The following TDRKH variants were observed in gnomAD, a reference collection of about 807,000 sequenced individuals.
The protein encoded by TDRKH is tudor and KH domain containing.
A neutral mutation model predicts 61.3 loss-of-function variants in TDRKH; 28 were observed. That is an observed-to-expected ratio of 0.46 (90% CI 0.34 to 0.63). The LOEUF is 0.63. Ranked by LOEUF, TDRKH falls within the 20% of genes least tolerant of loss-of-function variation. The pLI, the probability that TDRKH is intolerant of heterozygous loss-of-function variation, is 0.01. For missense variants in TDRKH, 540 were observed against 683.4 expected (o/e 0.79, Z 2.34); for synonymous variants, 219 against 244.4 (o/e 0.90, Z 0.97).
chr1:151,768,070 A>C (rs1253734550), downstream of TDRKH: 4 of 1,613,808 alleles, frequency 2.5e-6, no homozygotes, highest in Non-Finnish European at 3.4e-6. Flanking sequence ...TGGGAACTTG[A>C]CGGTGCTGGC....
rs547627787 is a variant in TDRKH, at chr1:151,776,594, T to C, written c.889A>G (p.Ser297Gly). ...TCAGCATGAAAACTGAAGTCAGGACTGGGGACTGAACACAGAGATAAGGAT... is the reference window on the plus strand; with the variant it reads ...TCAGCATGAAAACTGAAGTCAGGACCGGGGACTGAACACAGAGATAAGGAT... ...IPEMPMFEIPSPDFSFHADEY... is the reference protein window; with the variant it reads ...IPEMPMFEIPGPDFSFHADEY... The change falls in exon 7 of 13, where the codon AGT becomes GGT. Residue 297 changes from serine (S) to glycine (G), a missense_variant. By Grantham distance (56) the Ser-to-Gly change is moderately conservative. Transcript: ENST00000368824. 51 of 1,614,046 alleles carry C rather than the reference T, an allele frequency of 3.2e-5. 1 individual carries two copies. The South Asian group carries it at 5.5e-4, about 17-fold the overall frequency.
intron 11 of TDRKH, 103 bp downstream of exon 11, chr1:151,774,962 A>C: frequency 2.1e-6 from 3 of 1,408,182 alleles, no homozygotes; most frequent in Non-Finnish European, 3.0e-6. Context: ...GGAGGAGCTC[A>C]AAGTCCTTAG....
At chr1:151,772,457 A>G (rs945516072), downstream of TDRKH, among the ~76,000 whole-genome samples, 1 of 152,168 alleles carries the variant, frequency 6.6e-6, no homozygotes, top group Non-Finnish European at 1.5e-5. Flanking sequence ...TATAGTTGCC[A>G]TGTAGTATAG....
downstream of TDRKH, chr1:151,771,610 A>T: frequency 2.9e-6 from 1 of 340,510 alleles, no homozygotes; most frequent in Non-Finnish European, 5.2e-6. Context: ...GGTGCTATAG[A>T]TGTGGAGAAA....
intron 1 of TDRKH, among the ~76,000 whole-genome samples, chr1:151,789,692 T>C (rs1385386110): frequency 6.6e-6 from 1 of 152,236 alleles, no homozygotes; most frequent in African/African-American, 2.4e-5. Flanking sequence ...TCAAATCACA[T>C]TGTTAGCTCC....
At chr1:151,775,339 A>C in intron 10 of TDRKH, 53 bp downstream of exon 10, 2 of 1,573,340 alleles carry the variant, frequency 1.3e-6, no homozygotes, top group Non-Finnish European at 1.7e-6. Context: ...AAAGTAAATT[A>C]GGCTATAAAT....
chr1:151,768,383 C>T, downstream of TDRKH: 2 of 1,214,272 alleles, frequency 1.6e-6, no homozygotes, highest in East Asian at 2.6e-5. Context: ...GAGCCAGGAT[C>T]TGGGGTTCAA....
chr1:151,775,406 T>C lies in TDRKH; in HGVS notation c.1420A>G (p.Thr474Ala). The C allele has an allele frequency of 6.2e-7, 1 of 1,612,136 alleles. No homozygotes were observed. The highest frequency in any genetic ancestry group is 8.5e-7 in the Non-Finnish European group (1 of 1,179,358). ...GCCAGTCTTACCTTCCCATTGCTAG[T>C]ATCATATAAGTAGATCTTTGGCCAA... ...STWPKIYLYDTSNGKKLDIGL... is the reference protein window; with the variant it reads ...STWPKIYLYDASNGKKLDIGL... Residue 474 changes from threonine (T) to alanine (A), a missense_variant, in exon 10 of 13, where the codon ACT (threonine) becomes GCT (alanine). By Grantham distance (58) the Thr-to-Ala change is moderately conservative. Around this residue, in one of 3 missense-constraint regions of TDRKH, gnomAD observed 379 missense variants for 443.8 expected, o/e 0.85. Transcript: ENST00000368824.
chr1:151,779,994 A>T lies in TDRKH; in HGVS notation c.378T>A (p.Ser126=). 1.2e-6 allele frequency: 2 copies of T among 1,614,088 alleles called. No individual in the cohort carries two copies. Among genetic ancestry groups the T allele is most frequent in the Non-Finnish European group, 1.7e-6 (2 of 1,179,912 alleles). The stretch of plus-strand genomic sequence containing the variant: ...ATCTCTGGGGAACTGAAAGCTGCTC[A>T]GACACTGGGGTATTCTCTGTCAGGA... ...HQILTENTPV[S]EQLSVPQRSV... The change falls in exon 4 of 13, where the codon TCT becomes TCA. Residue 126 remains serine (S), a synonymous_variant. Coordinates refer to ENST00000368824, the MANE Select transcript of TDRKH (RefSeq NM_001083965.2).
At chr1:151,768,226 C>T (rs375441349), downstream of TDRKH, 35 of 1,610,678 alleles carry the variant, frequency 2.2e-5, no homozygotes, top group African/African-American at 6.7e-5. Context: ...TCAAGGCAAC[C>T]GGGAAAGGTG....
chr1:151,774,524 A>T lies in TDRKH; in HGVS notation c.1634-20T>A, dbSNP rs1246337475. On this transcript the variant is annotated intron_variant, in intron 12 of 12. Transcript: ENST00000368824. The stretch of plus-strand genomic sequence containing the variant: ...CAGCTTCTATTGAAGATAAATAAGA[A>T]GGAGAAAGTTAGACACTGCCCTATT... 1.1e-5 allele frequency: 17 copies of T among 1,614,070 alleles called. No individual in the cohort carries two copies. Among genetic ancestry groups the T allele is most frequent in the Non-Finnish European group, 1.4e-5 (17 of 1,179,928 alleles).
Position 151,774,185 on chromosome 1 carries a change from T to C in TDRKH, c.*267A>G, listed in dbSNP as rs1648928841. 4.2e-6 allele frequency: 2 copies of C among 480,560 alleles called. No individual in the cohort carries two copies. The allele number at this position is 480,560 out of a possible 1,614,324, so 29.8% of individuals were successfully genotyped here. A position where few individuals can be genotyped will look rare whatever the true frequency, so the allele number is the denominator to read the frequency against. On this transcript the variant is annotated 3_prime_UTR_variant, in exon 13 of 13. Coordinates refer to ENST00000368824, the MANE Select transcript of TDRKH (RefSeq NM_001083965.2). Reference sequence around the variant, plus strand: ...AAGGAAGGACTGCATGGATCCTTTATCATACACTCCTCTCCTCCATGCACC... The same window carrying C: ...AAGGAAGGACTGCATGGATCCTTTACCATACACTCCTCTCCTCCATGCACC...
chr1:151,788,019 T>C (rs1222953843), intron 1 of TDRKH, among the ~76,000 whole-genome samples: 1 of 150,826 alleles, frequency 6.6e-6, no homozygotes, highest in Non-Finnish European at 1.5e-5. Flanking sequence ...TAGGGCAAGA[T>C]GTGTGTAGGT....
chr1:151,775,078 A>G lies in TDRKH; in HGVS notation c.1523T>C (p.Met508Thr), dbSNP rs775512037. ...DIEENRAVPD[M>T]LKDMATETDA... Reference sequence around the variant, plus strand: ...ACAATAGCTCACCATGTCCTTCAACATGTCTGGGACAGCTCTGTTTTCTTC... The same window carrying G: ...ACAATAGCTCACCATGTCCTTCAACGTGTCTGGGACAGCTCTGTTTTCTTC... Residue 508 changes from methionine to threonine, a missense_variant, in exon 11 of 13, where the codon ATG becomes ACG. Around this residue, in one of 3 missense-constraint regions of TDRKH, gnomAD observed 379 missense variants for 443.8 expected, o/e 0.85. Transcript: ENST00000368824. The G allele has an allele frequency of 5.0e-6, 8 of 1,614,152 alleles. No homozygotes were observed. Among genetic ancestry groups the G allele is most frequent in the African/African-American group, 2.7e-5 (2 of 75,048 alleles).
downstream of TDRKH, chr1:151,770,017 C>T (rs1477095965): frequency 1.0e-5 from 13 of 1,250,530 alleles, no homozygotes; most frequent in Admixed American, 1.5e-4. Flanking sequence ...GCCGAGATGG[C>T]AGCAGTACAG....
At chr1:151,772,504 A>C (rs1372354869), downstream of TDRKH, among the ~76,000 whole-genome samples, 1 of 152,128 alleles carries the variant, frequency 6.6e-6, no homozygotes, top group Non-Finnish European at 1.5e-5. Context: ...TAAAAAAAAG[A>C]CCTGTGTAAG....
chr1:151,779,086 G>T lies in TDRKH; in HGVS notation c.561+17C>A, dbSNP rs1291214118. ...CTTCTCATGCTCAGGTATAATTCAA[G>T]TCTATTAGCTACTTGCCTTGGCTGC... is the stretch of plus-strand genomic sequence containing the variant. On this transcript the variant is annotated intron_variant, in intron 5 of 12. Transcript: ENST00000368824. The T allele has an allele frequency of 6.2e-7, 1 of 1,613,794 alleles. No individual in the cohort carries two copies. Among genetic ancestry groups the T allele is most frequent in the African/African-American group, 1.3e-5 (1 of 75,002 alleles).
chr1:151,779,923 A>C (rs779333064), intron 4 of TDRKH, 28 bp downstream of exon 4: 3 of 1,581,580 alleles, frequency 1.9e-6, no homozygotes, highest in Non-Finnish European at 1.7e-6. Flanking sequence ...GAATAAAGGA[A>C]ACAATAGAGG....
At chr1:151,777,541 TC>T (rs1397473781) in intron 6 of TDRKH, among the ~76,000 whole-genome samples, 5 of 152,264 alleles carry the variant, frequency 3.3e-5, no homozygotes, top group African/African-American at 1.2e-4. Flanking sequence ...TTTTGCCATT[TC>T]CATCAGCTGT....
Sources: gnomAD v4.1 joint callset for allele counts (sites outside exome capture counted in the v4.1 genomes callset) on GRCh38, gnomAD v4.1.1 for gene constraint, gnomAD v4.1.1 regional missense constraint, MANE v1.5 for transcripts, NCBI Gene and HGNC (gene_info 2026-07-23, HGNC 2026-07-21) for gene names.